Variants in FTCDNL1 observed in about 807,000 individuals in gnomAD.
FTCDNL1 encodes the protein formiminotransferase cyclodeaminase N-terminal like.
A neutral mutation model predicts 5.9 loss-of-function variants in FTCDNL1; 11 were observed. The ratio of observed to expected loss-of-function variants is 1.87; its 90% CI spans 1.18 to 3.10. FTCDNL1 has a LOEUF of 3.10. FTCDNL1 is among the 30% of genes most tolerant of loss of function. FTCDNL1 has a pLI of 0.00. For synonymous variants in FTCDNL1, 58 were observed against 24.8 expected (o/e 2.34, Z -3.99); for missense variants, 115 against 65.5 (o/e 1.76, Z -2.61).
chr2:199,741,681 T>C, the FTCDNL1 span, among the ~76,000 whole-genome samples: 3,917 of 152,276 alleles, frequency 0.026, 167 homozygotes, highest in African/African-American at 0.089. Flanking sequence ...CTCAAAATTC[T>C]TTATTGTCCT....
chr2:199,788,335 G>A (rs1699759938), intron 3 of FTCDNL1, among the ~76,000 whole-genome samples: 1 of 151,882 alleles, frequency 6.6e-6, no homozygotes, highest in Non-Finnish European at 1.5e-5. Flanking sequence ...AAATTCTAGG[G>A]GAATATTTTT....
At chr2:199,802,656 T>C (rs1394950128) in intron 3 of FTCDNL1, among the ~76,000 whole-genome samples, 2 of 152,284 alleles carry the variant, frequency 1.3e-5, no homozygotes, top group African/African-American at 4.8e-5. Context: ...TATTTCAAGA[T>C]AGTGGGAGTG....
intron 3 of FTCDNL1, among the ~76,000 whole-genome samples, chr2:199,765,556 A>ATATATATATATATATATATATATT: frequency 2.3e-5 from 1 of 42,654 alleles, no homozygotes; most frequent in African/African-American, 6.4e-5. Flanking sequence ...ATATATATAT[A>ATATATATATATATATATATATATT]TTTTTTTTTT....
the FTCDNL1 span, among the ~76,000 whole-genome samples, chr2:199,670,353 G>C: frequency 2.7e-3 from 416 of 152,250 alleles, 4 homozygotes; most frequent in African/African-American, 9.8e-3. Flanking sequence ...TCCAGTAGGT[G>C]CATTTACCTG....
At chr2:199,813,772 A>G (rs1326541416) in intron 4 of FTCDNL1, among the ~76,000 whole-genome samples, 1 of 151,886 alleles carries the variant, frequency 6.6e-6, no homozygotes, top group Admixed American at 6.6e-5. Context: ...TTAGTTGGGC[A>G]TGGTGGCGCG....
At chr2:199,846,225 A>T in intron 2 of FTCDNL1, 55 bp from the exon 3 acceptor site, 1 of 644,346 alleles carries the variant, frequency 1.6e-6, no homozygotes. Context: ...ATAAAACCTT[A>T]ATAGTTAATT....
At chr2:199,737,935 C>T in the FTCDNL1 span, among the ~76,000 whole-genome samples, 1 of 152,144 alleles carries the variant, frequency 6.6e-6, no homozygotes, top group African/African-American at 2.4e-5. Flanking sequence ...ACATAAGGTT[C>T]CCTGTTTCTT....
the FTCDNL1 span, among the ~76,000 whole-genome samples, chr2:199,717,259 G>A: frequency 3.3e-5 from 5 of 152,304 alleles, no homozygotes; most frequent in South Asian, 2.1e-4. Context: ...ATGACTGTCC[G>A]TGTAGTCTGT....
the FTCDNL1 span, among the ~76,000 whole-genome samples, chr2:199,673,570 A>T: frequency 6.6e-6 from 1 of 152,188 alleles, no homozygotes. Flanking sequence ...GTACTAAAAC[A>T]ATTGGAATAC....
At chr2:199,691,541 A>T in the FTCDNL1 span, among the ~76,000 whole-genome samples, 2 of 152,370 alleles carry the variant, frequency 1.3e-5, no homozygotes, top group African/African-American at 4.8e-5. Flanking sequence ...ACTTCTAACC[A>T]TGTCAATATT....
the FTCDNL1 span, among the ~76,000 whole-genome samples, chr2:199,715,701 T>C: frequency 6.6e-6 from 1 of 152,096 alleles, no homozygotes; most frequent in African/African-American, 2.4e-5. Flanking sequence ...GTGCAGAGCA[T>C]CATTACCTTT....
intron 3 of FTCDNL1, among the ~76,000 whole-genome samples, chr2:199,786,789 G>C (rs1699672565): frequency 6.6e-6 from 1 of 152,208 alleles, no homozygotes. Flanking sequence ...GCAACTTGCT[G>C]TGACAAGTTG....
the FTCDNL1 span, among the ~76,000 whole-genome samples, chr2:199,731,165 G>A: frequency 1.3e-5 from 2 of 152,142 alleles, no homozygotes; most frequent in Admixed American, 6.5e-5. Context: ...GACACAGGGA[G>A]GGGAACATCA....
downstream of FTCDNL1, among the ~76,000 whole-genome samples, chr2:199,805,877 C>A (rs905553711): frequency 6.6e-6 from 1 of 151,778 alleles, no homozygotes; most frequent in African/African-American, 2.4e-5. Flanking sequence ...CATGATCATG[C>A]CACTGCACTG....
At chr2:199,677,013 C>T in the FTCDNL1 span, among the ~76,000 whole-genome samples, 11 of 152,090 alleles carry the variant, frequency 7.2e-5, no homozygotes, top group Non-Finnish European at 8.8e-5. Flanking sequence ...TATTGGGTTA[C>T]GCAGATGGAA....
intron 3 of FTCDNL1, among the ~76,000 whole-genome samples, chr2:199,833,413 G>A (rs1364760741): frequency 6.6e-6 from 1 of 152,190 alleles, no homozygotes; most frequent in Non-Finnish European, 1.5e-5. Context: ...AATTGGTATT[G>A]ACCTTTCACT....
the FTCDNL1 span, among the ~76,000 whole-genome samples, chr2:199,750,171 TG>T: frequency 6.6e-6 from 1 of 151,436 alleles, no homozygotes; most frequent in East Asian, 1.9e-4. Context: ...CTGGGCAACA[TG>T]GCAAGATCCC....
intron 3 of FTCDNL1, among the ~76,000 whole-genome samples, chr2:199,799,728 T>C (rs1275913778): frequency 6.6e-6 from 1 of 152,156 alleles, no homozygotes; most frequent in Non-Finnish European, 1.5e-5. Context: ...AGGCAATCCA[T>C]ATGAAGGTGT....
At chr2:199,800,749 C>A in intron 3 of FTCDNL1, among the ~76,000 whole-genome samples, 1 of 152,118 alleles carries the variant, frequency 6.6e-6, no homozygotes, top group East Asian at 1.9e-4. Context: ...GTTTGGGATA[C>A]AACTTTCCCA....
Sources: allele counts gnomAD v4.1 joint callset (sites outside exome capture counted in the v4.1 genomes callset), GRCh38; gene constraint gnomAD v4.1.1; transcripts MANE v1.5; gene names NCBI Gene and HGNC (gene_info 2026-07-23, HGNC 2026-07-21).